Variants in TRIM35 observed in about 807,000 individuals in gnomAD.
TRIM35 encodes tripartite motif containing 35.
A neutral mutation model predicts 49.1 loss-of-function variants in TRIM35; 37 were observed. The ratio of observed to expected loss-of-function variants is 0.75; its 90% CI spans 0.58 to 0.99. TRIM35 has a LOEUF of 0.99. TRIM35 is among the 50% of genes least tolerant of loss of function. TRIM35 has a pLI of 0.00. For missense variants in TRIM35, 648 were observed against 702.7 expected (o/e 0.92, Z 0.88); for synonymous variants, 302 against 289.3 (o/e 1.04, Z -0.45).
At chr8:27,306,959 C>T (rs1417837209) in intron 1 of TRIM35, among the ~76,000 whole-genome samples, 1 of 152,160 alleles carries the variant, frequency 6.6e-6, no homozygotes, top group East Asian at 1.9e-4. Flanking sequence ...TGTTTTATTG[C>T]TTATATGTAG....
chr8:27,294,016 A>G, intron 3 of TRIM35, 64 bp downstream of exon 3: 1 of 1,535,730 alleles, frequency 6.5e-7, no homozygotes, highest in East Asian at 2.3e-5. Flanking sequence ...CTGGTGGGCT[A>G]TGGCTCCCAG....
intron 3 of TRIM35, among the ~76,000 whole-genome samples, chr8:27,292,182 A>G (rs1802469295): frequency 6.6e-6 from 1 of 152,244 alleles, no homozygotes; most frequent in Non-Finnish European, 1.5e-5. Flanking sequence ...ACTGTTTTTT[A>G]CTGTACTTTT....
intron 1 of TRIM35, among the ~76,000 whole-genome samples, chr8:27,305,311 C>G (rs879588996): frequency 6.6e-6 from 1 of 152,226 alleles, no homozygotes; most frequent in Non-Finnish European, 1.5e-5. Context: ...TGTCTTTCCC[C>G]TTTGTGTTCA....
At chr8:27,291,437 C>T (rs892745118) in intron 3 of TRIM35, among the ~76,000 whole-genome samples, 6 of 152,204 alleles carry the variant, frequency 3.9e-5, no homozygotes, top group African/African-American at 1.2e-4. Flanking sequence ...CTGGAATCCA[C>T]ATACACTCCT....
intron 1 of TRIM35, among the ~76,000 whole-genome samples, chr8:27,304,098 T>C (rs866740270): frequency 8.5e-5 from 13 of 152,358 alleles, no homozygotes; most frequent in Middle Eastern, 3.4e-3. Context: ...AAATGACAAG[T>C]TGATTCCTTA....
rs1450242846 is a variant in TRIM35, at chr8:27,285,751, T to C, written c.*1799A>G. Reference sequence around the variant, plus strand: ...TAAAAGTTTAATATAAAGAATGAAATAATTTCAGGTCAAGTTTATTATACA... The same window carrying C: ...TAAAAGTTTAATATAAAGAATGAAACAATTTCAGGTCAAGTTTATTATACA... On this transcript the variant is annotated 3_prime_UTR_variant, in exon 6 of 6. Coordinates refer to ENST00000305364, the MANE Select transcript of TRIM35 (RefSeq NM_171982.5). 2 of 146,522 alleles carry C rather than the reference T, an allele frequency of 1.4e-5. No individual in the cohort carries two copies. The highest frequency in any genetic ancestry group is 4.1e-4 in the East Asian group (2 of 4,932). 9.1% of individuals were successfully genotyped at this position (146,522 alleles called of 1,614,324 possible). A position where few individuals can be genotyped will look rare whatever the true frequency, so the allele number is the denominator to read the frequency against.
rs1030152247 is a variant in TRIM35, at chr8:27,287,485, G to C, written c.*65C>G. On this transcript the variant is annotated 3_prime_UTR_variant, in exon 6 of 6. Coordinates refer to ENST00000305364, the MANE Select transcript of TRIM35 (RefSeq NM_171982.5). The surrounding 1 kb of genome is among the most constrained non-coding windows in gnomAD (Gnocchi z 6.0). Reference sequence around the variant, plus strand: ...GCGCAATAGTGCCCAAGCAGTGTGGGCATTAGGAAGAGGGCAGAAAGAAAA... The same window carrying C: ...GCGCAATAGTGCCCAAGCAGTGTGGCCATTAGGAAGAGGGCAGAAAGAAAA... 2.7e-6 allele frequency: 4 copies of C among 1,457,918 alleles called. No individual in the cohort carries two copies. Among genetic ancestry groups the C allele is most frequent in the African/African-American group, 1.4e-5 (1 of 70,450 alleles). The allele number at this position is 1,457,918 out of a possible 1,614,324, so 90.3% of individuals were successfully genotyped here. A position where few individuals can be genotyped will look rare whatever the true frequency, so the allele number is the denominator to read the frequency against.
chr8:27,288,042 G>A lies in TRIM35; in HGVS notation c.990C>T (p.Arg330=), dbSNP rs377470569. The A allele has an allele frequency of 3.7e-5, 59 of 1,613,530 alleles. No homozygotes were observed. Among genetic ancestry groups the A allele is most frequent in the Middle Eastern group, 1.6e-4 (1 of 6,062 alleles). ...AGCGTTCCGGGTTCTCCACCTGCAC[G>A]CGGTAGCCATGGTTGGTGACGCTGG... ...DLTSVTNHGY[R]VQVENPERFS... Residue 330 remains arginine (R), a synonymous_variant, in exon 6 of 6, where the codon CGC becomes CGT. Coordinates refer to ENST00000305364, the MANE Select transcript of TRIM35 (RefSeq NM_171982.5).
intron 2 of TRIM35, 142 bp downstream of exon 2, chr8:27,298,322 T>G: frequency 1.4e-6 from 1 of 711,470 alleles, no homozygotes; most frequent in South Asian, 1.7e-5. Flanking sequence ...AGGACGTGGC[T>G]GCACAGGACC....
At chr8:27,289,683 G>A (rs555904355) in intron 4 of TRIM35, among the ~76,000 whole-genome samples, 1 of 152,270 alleles carries the variant, frequency 6.6e-6, no homozygotes. Flanking sequence ...AGTGGGAAGT[G>A]AGCACAGGGA....
chr8:27,298,481 T>C lies in TRIM35; in HGVS notation c.514A>G (p.Ile172Val), dbSNP rs768268487. 7.4e-6 allele frequency: 12 copies of C among 1,614,226 alleles called. No homozygotes were observed. The highest frequency in any genetic ancestry group is 1.7e-5 in the Admixed American group (1 of 60,024). ...FWAMRRSYEA[I>V]AKHNQVEAAW... Reference sequence around the variant, plus strand: ...TCGCTCACCTGATTGTGCTTGGCGATGGCCTCATAGGAGCGCCGCATGGCC... The same window carrying C: ...TCGCTCACCTGATTGTGCTTGGCGACGGCCTCATAGGAGCGCCGCATGGCC... The change falls in exon 2 of 6, where the codon ATC (isoleucine) becomes GTC (valine). Residue 172 changes from isoleucine (I) to valine (V), a missense_variant. Physicochemically the swap from Ile to Val is conservative, Grantham distance 29 (BLOSUM62 3). Coordinates refer to ENST00000305364, the MANE Select transcript of TRIM35 (RefSeq NM_171982.5).
At chr8:27,290,571 A>C (rs748056958) in intron 3 of TRIM35, among the ~76,000 whole-genome samples, 1 of 152,234 alleles carries the variant, frequency 6.6e-6, no homozygotes, top group Non-Finnish European at 1.5e-5. Flanking sequence ...TGCCAGAGCC[A>C]TCATGCTCCT....
chr8:27,289,310 G>C, intron 4 of TRIM35, 30 bp from the exon 5 acceptor site: 1 of 1,592,518 alleles, frequency 6.3e-7, no homozygotes, highest in Non-Finnish European at 8.6e-7. Flanking sequence ...ATGGTGGGCA[G>C]GGCCAGAGCC....
chr8:27,300,324 C>G (rs1250704804), intron 1 of TRIM35, among the ~76,000 whole-genome samples: 1 of 152,186 alleles, frequency 6.6e-6, no homozygotes, highest in Non-Finnish European at 1.5e-5. Context: ...CAATTCCTGA[C>G]CCACAGAAAC....
At chr8:27,295,873 AG>A (rs1053074873) in intron 2 of TRIM35, among the ~76,000 whole-genome samples, 3 of 152,262 alleles carry the variant, frequency 2.0e-5, no homozygotes, top group African/African-American at 7.2e-5. Context: ...ATGACAAACT[AG>A]GAAATATATT....
intron 5 of TRIM35, among the ~76,000 whole-genome samples, 196 bp downstream of exon 5, chr8:27,288,966 G>A (rs1802395546): frequency 6.6e-6 from 1 of 152,210 alleles, no homozygotes; most frequent in Non-Finnish European, 1.5e-5. Flanking sequence ...CAGGAGGGTT[G>A]GAGGTGTTGG....
At position 27,291,058 on chromosome 8, in the gene TRIM35, C is replaced by CA. The variant is rs56953962; in HGVS notation, c.763-881dup. 9.7e-3 allele frequency among the ~76,000 whole-genome samples: 485 copies of CA among 50,194 alleles called. 13 individuals carry two copies. The highest frequency in any genetic ancestry group is 0.023 in the South Asian group (28 of 1,228). 32.9% of individuals were successfully genotyped at this position (50,194 alleles called of 152,430 possible). ...ACTGGGAAAACTGTATGTTGACATGCAAAAAAAAAAAAAAAAAAAAAGTGA... is the reference window on the plus strand; with the variant it reads ...ACTGGGAAAACTGTATGTTGACATGCAAAAAAAAAAAAAAAAAAAAAAGTGA... On this transcript the variant is annotated intron_variant, in intron 3 of 5. Coordinates refer to ENST00000305364, the MANE Select transcript of TRIM35 (RefSeq NM_171982.5).
Position 27,310,884 on chromosome 8 carries a change from G to A in TRIM35, c.352C>T (p.Leu118=), listed in dbSNP as rs761301143. Residue 118 remains leucine, a synonymous_variant, in exon 1 of 6, where the codon CTG becomes TTG. Coordinates refer to ENST00000305364, the MANE Select transcript of TRIM35 (RefSeq NM_171982.5). ...TCGGCCTGGCAGGAGCAGCACAGCAGCTCCTTGTCCTCGAGGCAGAAGAGG... is the reference window on the plus strand; with the variant it reads ...TCGGCCTGGCAGGAGCAGCACAGCAACTCCTTGTCCTCGAGGCAGAAGAGG... ...LSLFCLEDKE[L]LCCSCQADPR... The A allele has an allele frequency of 6.2e-7, 1 of 1,612,986 alleles. No individual in the cohort carries two copies. The highest frequency in any genetic ancestry group is 1.7e-5 in the Admixed American group (1 of 60,010).
intron 4 of TRIM35, among the ~76,000 whole-genome samples, chr8:27,289,646 T>C (rs539477961): frequency 6.6e-6 from 1 of 152,206 alleles, no homozygotes; most frequent in Admixed American, 6.5e-5. Flanking sequence ...TCCCAAGGTG[T>C]CCTCCAGCCT....
Sources: gnomAD v4.1 joint callset for allele counts (sites outside exome capture counted in the v4.1 genomes callset) on GRCh38, gnomAD v4.1.1 for gene constraint, Gnocchi (gnomAD v3.1) non-coding constraint, MANE v1.5 for transcripts, NCBI Gene and HGNC (gene_info 2026-07-23, HGNC 2026-07-21) for gene names.